The following SLCO1A2 variants were observed in gnomAD, a reference collection of about 807,000 sequenced individuals.
The protein encoded by SLCO1A2 is solute carrier organic anion transporter family member 1A2, also known as OATP-1.
A neutral mutation model predicts 69.0 loss-of-function variants in SLCO1A2; 67 were observed. The ratio of observed to expected loss-of-function variants is 0.97; its 90% CI spans 0.80 to 1.19. SLCO1A2 has a LOEUF of 1.19. Among genes scored for constraint, SLCO1A2 ranks in the 50% most tolerant of loss-of-function variants. The pLI, the probability that SLCO1A2 is intolerant of heterozygous loss-of-function variation, is 0.00. For missense variants in SLCO1A2, 787 were observed against 793.7 expected (o/e 0.99, Z 0.10); for synonymous variants, 260 against 265.9 (o/e 0.98, Z 0.22).
At position 21,366,873 on chromosome 12, in the gene SLCO1A2, A is replaced by T. The variant is rs1939430258; in HGVS notation, c.-63+7526T>A. 2.6e-5 allele frequency among the ~76,000 whole-genome samples: 4 copies of T among 152,010 alleles called. No homozygotes were observed. The South Asian group carries it at 8.3e-4, about 31-fold the overall frequency. ...ATTAAAAATAGTGAAAATATATATA[A>T]ACACAAGATTAATAAAAGCGTTTTG... On this transcript the variant is annotated intron_variant, in intron 2 of 15. Coordinates refer to the SLCO1A2 transcript ENST00000307378.
chr12:21,406,823 T>A (rs914472823), intron 1 of SLCO1A2, among the ~76,000 whole-genome samples: 1 of 152,196 alleles, frequency 6.6e-6, no homozygotes, highest in Admixed American at 6.5e-5. Flanking sequence ...TAAAATAATT[T>A]TGGAGACAGA....
At chr12:21,318,692 C>T in intron 3 of SLCO1A2, 90 bp downstream of exon 3, 1 of 1,169,620 alleles carries the variant, frequency 8.5e-7, no homozygotes, top group Non-Finnish European at 1.2e-6. Context: ...ATTAAATGAC[C>T]TAAAACAGCA....
At chr12:21,314,903 T>C (rs1402295986) in intron 3 of SLCO1A2, among the ~76,000 whole-genome samples, 1 of 152,140 alleles carries the variant, frequency 6.6e-6, no homozygotes, top group Non-Finnish European at 1.5e-5. Context: ...CAGATATCTC[T>C]GAAACACCAA....
At chr12:21,285,649 G>C (rs1199824834) in intron 12 of SLCO1A2, among the ~76,000 whole-genome samples, 6 of 135,702 alleles carry the variant, frequency 4.4e-5, no homozygotes, top group Non-Finnish European at 7.9e-5. Context: ...ACATCAAAAA[G>C]CTTATCCACC....
chr12:21,405,271 T>A (rs1941805415), intron 1 of SLCO1A2, among the ~76,000 whole-genome samples: 1 of 152,170 alleles, frequency 6.6e-6, no homozygotes, highest in African/African-American at 2.4e-5. Context: ...TGCAATTTCT[T>A]ATGACATTTT....
At chr12:21,393,228 T>A (rs1413343492) in intron 1 of SLCO1A2, among the ~76,000 whole-genome samples, 2 of 152,162 alleles carry the variant, frequency 1.3e-5, no homozygotes, top group African/African-American at 2.4e-5. Context: ...GAACCGATAA[T>A]AAACCTTCTA....
chr12:21,297,367 GA>G (rs1253000523), intron 9 of SLCO1A2, 36 bp downstream of exon 9: 36 of 1,560,094 alleles, frequency 2.3e-5, no homozygotes, highest in Non-Finnish European at 2.7e-5. Flanking sequence ...TCGTGGGGGG[GA>G]AAGTGTGCTA....
chr12:21,350,345 A>G (rs187729215), intron 2 of SLCO1A2, among the ~76,000 whole-genome samples: 4 of 152,246 alleles, frequency 2.6e-5, no homozygotes, highest in African/African-American at 9.6e-5. Flanking sequence ...AAAAGAGAGA[A>G]AAAATTAAAT....
chr12:21,267,089 A>T lies in SLCO1A2; in HGVS notation c.*2459T>A, dbSNP rs1165690848. 2 of 152,140 alleles carry T rather than the reference A, an allele frequency of 1.3e-5. No individual in the cohort carries two copies. Among genetic ancestry groups the T allele is most frequent in the Admixed American group, 6.6e-5 (1 of 15,254 alleles). The allele number at this position is 152,140 out of a possible 1,614,324, so 9.4% of individuals were successfully genotyped here. On this transcript the variant is annotated 3_prime_UTR_variant, in exon 15 of 15. Coordinates refer to ENST00000683939, the MANE Select transcript of SLCO1A2 (RefSeq NM_001386879.1). ...AATAAGAACTAAACTCCCAGGCTTC[A>T]TGTATACCAACAAAAGAGGTCATGA...
rs1947759536 is a variant in SLCO1A2, at chr12:21,296,658, AG to A, written c.1075+745del. Among the ~76,000 whole-genome samples the A allele has an allele frequency of 1.3e-5, 2 of 152,166 alleles. 1 individual carries two copies. Among genetic ancestry groups the A allele is most frequent in the South Asian group, 4.1e-4 (2 of 4,822 alleles). ...AACCCTTCCCAATAAGTGAAAAAAA[AG>A]AATAGAAAAAGGAGAAGATAGCCCT... On this transcript the variant is annotated intron_variant, in intron 9 of 14. Transcript: ENST00000683939.
At chr12:21,401,579 A>G (rs12319780) in intron 1 of SLCO1A2, among the ~76,000 whole-genome samples, 8,066 of 151,808 alleles carry the variant, frequency 0.053, 264 homozygotes, top group African/African-American at 0.075. Context: ...TTGAGATACT[A>G]ATTTTTATTT....
intron 11 of SLCO1A2, 54 bp from the exon 12 acceptor site, chr12:21,292,390 TA>T (rs1219063191): frequency 6.8e-7 from 1 of 1,471,170 alleles, no homozygotes; most frequent in Non-Finnish European, 9.3e-7. Context: ...ACACAAATTT[TA>T]AACATTTTCT....
At chr12:21,341,953 G>A (rs1444386265) in intron 2 of SLCO1A2, among the ~76,000 whole-genome samples, 1 of 152,024 alleles carries the variant, frequency 6.6e-6, no homozygotes, top group Non-Finnish European at 1.5e-5. Flanking sequence ...GGCATGGGAT[G>A]AGGATTAATC....
intron 2 of SLCO1A2, among the ~76,000 whole-genome samples, chr12:21,349,984 C>G (rs1937798480): frequency 6.6e-6 from 1 of 152,158 alleles, no homozygotes; most frequent in Admixed American, 6.5e-5. Context: ...TCCCAACATT[C>G]AGTGACTGGA....
At chr12:21,272,229 T>C (rs1330928987) in intron 14 of SLCO1A2, among the ~76,000 whole-genome samples, 2 of 151,864 alleles carry the variant, frequency 1.3e-5, no homozygotes, top group African/African-American at 4.8e-5. Context: ...GAAATAGATA[T>C]AGATGTATTA....
chr12:21,394,664 C>T (rs1941343000), intron 1 of SLCO1A2, among the ~76,000 whole-genome samples: 2 of 151,694 alleles, frequency 1.3e-5, no homozygotes, highest in South Asian at 2.1e-4. Context: ...CAAGGTGATA[C>T]GGCCACCTCC....
intron 2 of SLCO1A2, among the ~76,000 whole-genome samples, chr12:21,331,143 C>CT (rs376333610): frequency 1.4e-4 from 21 of 151,992 alleles, no homozygotes; most frequent in African/African-American, 4.6e-4. Context: ...AATAAGAACA[C>CT]TTTAGACCTT....
intron 2 of SLCO1A2, among the ~76,000 whole-genome samples, chr12:21,361,559 G>A (rs905761984): frequency 2.1e-4 from 32 of 152,216 alleles, no homozygotes; most frequent in African/African-American, 7.0e-4. Flanking sequence ...GTTGACAGAA[G>A]AAGGCTTCAG....
chr12:21,303,631 G>A (rs1227440745), intron 6 of SLCO1A2, among the ~76,000 whole-genome samples: 4 of 152,068 alleles, frequency 2.6e-5, no homozygotes, highest in Admixed American at 1.3e-4. Flanking sequence ...AAAAATATAA[G>A]CAAGTCGTGC....
Sources: gnomAD v4.1 joint callset for allele counts (sites outside exome capture counted in the v4.1 genomes callset) on GRCh38, gnomAD v4.1.1 for gene constraint, MANE v1.5 for transcripts, NCBI Gene and HGNC (gene_info 2026-07-23, HGNC 2026-07-21) for gene names.